Variants in XPR1 observed in about 807,000 individuals in gnomAD.
XPR1 encodes xenotropic and polytropic retrovirus receptor 1, also known as solute carrier family 53 member 1.
A neutral mutation model predicts 87.5 loss-of-function variants in XPR1; 28 were observed. That is an observed-to-expected ratio of 0.32 (90% confidence interval 0.24 to 0.44). The LOEUF (loss-of-function observed/expected upper bound fraction) is 0.44. Among genes scored for constraint, XPR1 ranks in the 20% least tolerant of loss-of-function variants. The pLI is 1.00. For synonymous variants in XPR1, 300 were observed against 306.1 expected (o/e 0.98, Z 0.21); for missense variants, 559 against 862.3 (o/e 0.65, Z 4.41).
At chr1:180,705,810 A>G (rs78654530) in intron 2 of XPR1, among the ~76,000 whole-genome samples, 5,247 of 152,344 alleles carry the variant, frequency 0.034, 118 homozygotes, top group Non-Finnish European at 0.054. Context: ...ATTTTTAACA[A>G]TACAAAAGTA....
chr1:180,640,417 T>C (rs1654927243), intron 1 of XPR1, among the ~76,000 whole-genome samples: 1 of 152,262 alleles, frequency 6.6e-6, no homozygotes, highest in South Asian at 2.1e-4. Flanking sequence ...GGTAACTGAT[T>C]ATGTTGATAG....
chr1:180,788,747 CA>C (rs1346448810), intron 3 of XPR1, among the ~76,000 whole-genome samples: 1 of 152,138 alleles, frequency 6.6e-6, no homozygotes, highest in African/African-American at 2.4e-5. Context: ...ATGCACATTA[CA>C]TGCCTGCTAT....
chr1:180,872,717 G>T (rs1255114329), intron 12 of XPR1, among the ~76,000 whole-genome samples: 8 of 145,356 alleles, frequency 5.5e-5, no homozygotes, highest in Non-Finnish European at 7.5e-5. Flanking sequence ...CCCACTGTCT[G>T]GCACTCCCTA....
chr1:180,843,067 T>C (rs760542181), intron 11 of XPR1, among the ~76,000 whole-genome samples: 6 of 152,224 alleles, frequency 3.9e-5, no homozygotes, highest in Non-Finnish European at 8.8e-5. Flanking sequence ...TGAGGATTCC[T>C]CAGTAGGAGC....
chr1:180,844,797 A>AT (rs1411937835), intron 11 of XPR1, among the ~76,000 whole-genome samples: 1 of 152,202 alleles, frequency 6.6e-6, no homozygotes, highest in African/African-American at 2.4e-5. Flanking sequence ...CCACTTAGCC[A>AT]GGGGAAACTT....
Position 180,713,799 on chromosome 1 carries a change from T to C in XPR1, c.121+31388T>C, listed in dbSNP as rs185405076. Among the ~76,000 whole-genome samples, 547 of 152,324 alleles carry C rather than the reference T, an allele frequency of 3.6e-3. 2 individuals are homozygous for C. The highest frequency in any genetic ancestry group is 3.5e-3 in the Non-Finnish European group (238 of 68,018). On this transcript the variant is annotated intron_variant, in intron 2 of 14. Coordinates refer to ENST00000367590, the MANE Select transcript of XPR1 (RefSeq NM_004736.4). ...AAAATTGTATTAGAATTTTTACATCTGTATTTATATGGGATATTGTTCTCT... is the reference window on the plus strand; with the variant it reads ...AAAATTGTATTAGAATTTTTACATCCGTATTTATATGGGATATTGTTCTCT...
chr1:180,742,541 A>T (rs1201743007), intron 2 of XPR1, among the ~76,000 whole-genome samples: 2 of 152,162 alleles, frequency 1.3e-5, no homozygotes. Flanking sequence ...TTTATGACCC[A>T]GGATATAGTC....
intron 1 of XPR1, among the ~76,000 whole-genome samples, chr1:180,656,424 TATTTATATATTTATATATAA>T (rs1221471747): frequency 2.2e-5 from 1 of 45,408 alleles, no homozygotes; most frequent in South Asian, 6.5e-4. Context: ...TATATATAAA[TATTTATATATTTATATATAA>T]ATATTTATAT....
In XPR1 at chr1:180,717,840, A is replaced by G. The variant is rs1007911588; in HGVS notation, c.121+35429A>G. Among the ~76,000 whole-genome samples the G allele has an allele frequency of 5.3e-5, 8 of 152,306 alleles. No homozygotes were observed. The South Asian group carries it at 1.7e-3, about 32-fold the overall frequency. On this transcript the variant is annotated intron_variant, in intron 2 of 14. Transcript: ENST00000367590. ...CCCACCACCCCAGGAAACATTTTCTAGCACACTACTATTAGGTTGGTACAA... is the reference window on the plus strand; with the variant it reads ...CCCACCACCCCAGGAAACATTTTCTGGCACACTACTATTAGGTTGGTACAA...
intron 2 of XPR1, among the ~76,000 whole-genome samples, chr1:180,750,225 T>TC (rs1446891708): frequency 6.6e-6 from 1 of 152,164 alleles, no homozygotes; most frequent in Non-Finnish European, 1.5e-5. Context: ...CTGGATACAG[T>TC]CACAGGCCCA....
At chr1:180,876,635 CAAA>C (rs532038656) in intron 13 of XPR1, among the ~76,000 whole-genome samples, 1 of 108,110 alleles carries the variant, frequency 9.2e-6, no homozygotes, top group Non-Finnish European at 2.0e-5. Context: ...GACCCTGTCT[CAAA>C]AAAAAAAAAA....
chr1:180,849,890 G>A (rs1651808589), intron 11 of XPR1, among the ~76,000 whole-genome samples: 1 of 152,188 alleles, frequency 6.6e-6, no homozygotes. Context: ...GTACATGCGT[G>A]CGCACACCCA....
At chr1:180,721,342 T>G (rs927220648) in intron 2 of XPR1, among the ~76,000 whole-genome samples, 3 of 152,190 alleles carry the variant, frequency 2.0e-5, no homozygotes, top group Non-Finnish European at 2.9e-5. Context: ...TTGGTGCCAT[T>G]TGTTGACATT....
chr1:180,643,773 G>T (rs2101897507), intron 1 of XPR1, among the ~76,000 whole-genome samples: 1 of 152,228 alleles, frequency 6.6e-6, no homozygotes, highest in Admixed American at 6.5e-5. Context: ...TAGGAAGAGG[G>T]TTGAAGAAGA....
At chr1:180,738,364 G>A (rs1374683628) in intron 2 of XPR1, among the ~76,000 whole-genome samples, 1 of 152,082 alleles carries the variant, frequency 6.6e-6, no homozygotes, top group Non-Finnish European at 1.5e-5. Flanking sequence ...GTACCATTTT[G>A]CATTCCCACC....
intron 14 of XPR1, 66 bp downstream of exon 14, chr1:180,880,363 G>C: frequency 6.4e-7 from 1 of 1,565,678 alleles, no homozygotes. Flanking sequence ...TAGCATGTAA[G>C]CTAAAAAGCT....
At chr1:180,820,033 T>TTA (rs995996775) in intron 7 of XPR1, among the ~76,000 whole-genome samples, 34 of 150,802 alleles carry the variant, frequency 2.3e-4, no homozygotes, top group Non-Finnish European at 2.1e-4. Flanking sequence ...AAAAAAAAAA[T>TTA]TATATATATA....
At chr1:180,776,127 C>G (rs1055566397) in intron 2 of XPR1, among the ~76,000 whole-genome samples, 1 of 151,988 alleles carries the variant, frequency 6.6e-6, no homozygotes, top group Non-Finnish European at 1.5e-5. Context: ...CTTTGCAAGT[C>G]CAGTTTTTTG....
chr1:180,861,746 CTAG>C (rs1553254409), intron 11 of XPR1, among the ~76,000 whole-genome samples: 2 of 152,026 alleles, frequency 1.3e-5, no homozygotes, highest in Non-Finnish European at 2.9e-5. Context: ...CAGTGATGTG[CTAG>C]TATATGTTCA....
Sources: allele counts gnomAD v4.1 joint callset (sites outside exome capture counted in the v4.1 genomes callset), GRCh38; gene constraint gnomAD v4.1.1; transcripts MANE v1.5; gene names NCBI Gene and HGNC (gene_info 2026-07-23, HGNC 2026-07-21).